The following PCDH9 variants were observed in gnomAD, a reference collection of about 807,000 sequenced individuals.
The protein encoded by PCDH9 is protocadherin 9, also known as protocadherin-9.
PCDH9 carries 24 observed loss-of-function variants against 70.6 expected under a neutral mutation model. That is an observed-to-expected ratio of 0.34 (90% CI 0.25 to 0.48). The LOEUF (loss-of-function observed/expected upper bound fraction) is 0.48. Ranked by LOEUF, PCDH9 falls within the 20% of genes least tolerant of loss-of-function variation. PCDH9 has a pLI of 0.99. For synonymous variants in PCDH9, 562 were observed against 558.5 expected, an observed-to-expected ratio of 1.01 and a Z score of -0.09; for missense variants, 1,281 against 1,503.6, an observed-to-expected ratio of 0.85 and a Z score of 2.45.
intron 3 of PCDH9, among the ~76,000 whole-genome samples, chr13:66,765,342 T>C (rs1268057540): frequency 6.6e-6 from 1 of 151,982 alleles, no homozygotes; most frequent in Non-Finnish European, 1.5e-5. Context: ...TAAAAATAAA[T>C]TTTTAACTTT....
intron 4 of PCDH9, among the ~76,000 whole-genome samples, chr13:66,434,179 A>G (rs1205634688): frequency 6.6e-6 from 1 of 151,924 alleles, no homozygotes; most frequent in Non-Finnish European, 1.5e-5. Context: ...CAAGAAAGTC[A>G]TATTTGACCA....
At chr13:67,102,691 T>C (rs539898171) in intron 2 of PCDH9, among the ~76,000 whole-genome samples, 1 of 152,150 alleles carries the variant, frequency 6.6e-6, no homozygotes, top group Admixed American at 6.5e-5. Context: ...CAGGAATGAT[T>C]GAAACATTCT....
chr13:66,771,363 C>T (rs1307218548), intron 3 of PCDH9, among the ~76,000 whole-genome samples: 1 of 152,180 alleles, frequency 6.6e-6, no homozygotes, highest in Non-Finnish European at 1.5e-5. Context: ...TTCATTTCTT[C>T]CTTCCTTCTA....
chr13:67,076,689 A>C (rs1216180609), intron 2 of PCDH9, among the ~76,000 whole-genome samples: 1 of 152,136 alleles, frequency 6.6e-6, no homozygotes, highest in Non-Finnish European at 1.5e-5. Flanking sequence ...TGTAATTTCT[A>C]TGAAAACTAT....
chr13:66,973,032 T>C (rs2083552257), intron 2 of PCDH9, among the ~76,000 whole-genome samples: 1 of 152,002 alleles, frequency 6.6e-6, no homozygotes, highest in Non-Finnish European at 1.5e-5. Flanking sequence ...TCCATCTTCT[T>C]TCCAATCAGC....
chr13:66,972,257 C>T (rs1228648188), intron 2 of PCDH9, among the ~76,000 whole-genome samples: 2 of 151,914 alleles, frequency 1.3e-5, no homozygotes, highest in African/African-American at 4.8e-5. Context: ...ATAGCTACAT[C>T]ATCTTCTGTG....
intron 3 of PCDH9, among the ~76,000 whole-genome samples, chr13:66,697,956 A>G (rs1332035861): frequency 1.3e-5 from 2 of 152,254 alleles, no homozygotes; most frequent in African/African-American, 2.4e-5. Flanking sequence ...AAAAAGACTG[A>G]AATTCTGATG....
intron 2 of PCDH9, among the ~76,000 whole-genome samples, chr13:66,932,813 A>G (rs2082838804): frequency 6.6e-6 from 1 of 151,120 alleles, no homozygotes; most frequent in African/African-American, 2.4e-5. Context: ...ATCATAGTGA[A>G]ATAATTTAGG....
Position 66,803,674 on chromosome 13 carries a change from A to G in PCDH9, c.3138+99830T>C, listed in dbSNP as rs556178070. On this transcript the variant is annotated intron_variant, in intron 3 of 4. Coordinates refer to ENST00000377865, the MANE Select transcript of PCDH9 (RefSeq NM_203487.3). The stretch of plus-strand genomic sequence containing the variant: ...CTAGGGTGTTTTGAATTTCATTACA[A>G]TAATGATTCATTTCATATGCATATT... Among the ~76,000 whole-genome samples, 56 of 151,838 alleles carry G rather than the reference A, an allele frequency of 3.7e-4. No individual in the cohort carries two copies. In the South Asian group the frequency reaches 0.012, roughly 31 times the overall value.
chr13:66,821,939 T>C (rs2080717987), intron 3 of PCDH9, among the ~76,000 whole-genome samples: 1 of 152,200 alleles, frequency 6.6e-6, no homozygotes, highest in East Asian at 1.9e-4. Flanking sequence ...GACTACTCTG[T>C]AAAATAGCTG....
chr13:66,938,236 A>C (rs570874699), intron 2 of PCDH9, among the ~76,000 whole-genome samples: 20 of 152,330 alleles, frequency 1.3e-4, no homozygotes, highest in South Asian at 4.1e-4. Context: ...TAAAAGAAGA[A>C]GGCATCAACA....
intron 4 of PCDH9, among the ~76,000 whole-genome samples, chr13:66,576,348 A>G (rs2076814973): frequency 6.6e-6 from 1 of 152,058 alleles, no homozygotes; most frequent in Non-Finnish European, 1.5e-5. Context: ...GTGTACATAT[A>G]TATTTTTTAT....
chr13:66,915,829 T>G (rs1337137527), intron 2 of PCDH9, among the ~76,000 whole-genome samples: 1 of 151,652 alleles, frequency 6.6e-6, no homozygotes, highest in African/African-American at 2.4e-5. Flanking sequence ...TTGCCTTTCT[T>G]TTAGCCCTAG....
intron 4 of PCDH9, among the ~76,000 whole-genome samples, chr13:66,514,861 T>C (rs141241935): frequency 1.9e-4 from 29 of 152,230 alleles, no homozygotes; most frequent in African/African-American, 7.0e-4. Flanking sequence ...TACTGTAGTG[T>C]ATTTCCGAAT....
At chr13:66,639,797 T>G (rs1273153760) in intron 3 of PCDH9, among the ~76,000 whole-genome samples, 1 of 152,176 alleles carries the variant, frequency 6.6e-6, no homozygotes, top group Non-Finnish European at 1.5e-5. Flanking sequence ...GCATTGTTGG[T>G]GATTTGCTTC....
chr13:66,429,863 G>A (rs534071102), intron 4 of PCDH9, among the ~76,000 whole-genome samples: 2 of 152,058 alleles, frequency 1.3e-5, no homozygotes, highest in Non-Finnish European at 2.9e-5. Context: ...TGGTGATCTT[G>A]ATCGTACTTA....
At chr13:66,677,045 C>A (rs931554565) in intron 3 of PCDH9, among the ~76,000 whole-genome samples, 5 of 151,966 alleles carry the variant, frequency 3.3e-5, no homozygotes, top group Non-Finnish European at 7.4e-5. Flanking sequence ...GATAGTGACA[C>A]AGGAATGTCA....
intron 4 of PCDH9, among the ~76,000 whole-genome samples, chr13:66,366,054 T>G (rs1308755016): frequency 2.0e-5 from 3 of 152,068 alleles, no homozygotes; most frequent in Non-Finnish European, 4.4e-5. Context: ...AAAGTATACA[T>G]AGTAAAACTT....
chr13:66,620,192 T>C (rs1412196979), intron 4 of PCDH9, among the ~76,000 whole-genome samples: 1 of 152,200 alleles, frequency 6.6e-6, no homozygotes, highest in African/African-American at 2.4e-5. Context: ...GCCCAACCTA[T>C]GTCTCAATCC....
Sources: allele counts gnomAD v4.1 joint callset (sites outside exome capture counted in the v4.1 genomes callset), GRCh38; gene constraint gnomAD v4.1.1; transcripts MANE v1.5; gene names NCBI Gene and HGNC (gene_info 2026-07-23, HGNC 2026-07-21).